Variants in WDFY3 observed in about 807,000 individuals in gnomAD.
The protein encoded by WDFY3 is WD repeat and FYVE domain containing 3.
Under a neutral mutation model 409.6 loss-of-function variants are expected in WDFY3, and 66 were observed. That is an observed-to-expected ratio of 0.16 (90% CI 0.13 to 0.20). The LOEUF (loss-of-function observed/expected upper bound fraction) is 0.20. WDFY3 is among the 10% of genes least tolerant of loss of function. The pLI, the probability that WDFY3 is intolerant of heterozygous loss-of-function variation, is 1.00. For synonymous variants in WDFY3, 1,521 were observed against 1,537.1 expected (o/e 0.99, Z 0.25); for missense variants, 3,031 against 4,298.1 (o/e 0.71, Z 8.24).
rs1410455864 is a variant in WDFY3, at chr4:84,794,596, A to C, written c.3410T>G (p.Val1137Gly). Residue 1137 changes from valine (V) to glycine (G), a missense_variant, in exon 21 of 68, where the codon GTG becomes GGG. Transcript: ENST00000295888. ...TGCTGATAGAACTATTGCAAGGCAC[A>C]CGTAATGTTGCTCAGAAGAATTTGC... ...RRANSSEQHY[V>G]CLAIVLSAKD... The C allele has an allele frequency of 6.2e-7, 1 of 1,614,162 alleles. No homozygotes were observed. The highest frequency in any genetic ancestry group is 2.2e-5 in the East Asian group (1 of 44,866).
chr4:84,671,957 G>A lies in WDFY3; in HGVS notation c.*911C>T, dbSNP rs2148686812. On this transcript the variant is annotated 3_prime_UTR_variant, in exon 68 of 68. Coordinates refer to ENST00000295888, the MANE Select transcript of WDFY3 (RefSeq NM_014991.6). ...AATATATTTCCATTAGTTGAGACAG[G>A]GCTGTTTCCTGCACTACACTGGTCA... is the stretch of plus-strand genomic sequence containing the variant. 1 of 152,264 alleles carries A rather than the reference G, an allele frequency of 6.6e-6. No homozygotes were observed. Among genetic ancestry groups the A allele is most frequent in the East Asian group, 1.9e-4 (1 of 5,178 alleles). The allele number at this position is 152,264 out of a possible 1,614,324, so 9.4% of individuals were successfully genotyped here.
At chr4:84,794,429 G>T in intron 21 of WDFY3, 90 bp downstream of exon 21, 1 of 1,248,590 alleles carries the variant, frequency 8.0e-7, no homozygotes. Flanking sequence ...AAGCTGAAAA[G>T]TTATTATTAG....
At chr4:84,716,849 T>C (rs779493009) in intron 49 of WDFY3, 47 bp downstream of exon 49, 1 of 1,387,926 alleles carries the variant, frequency 7.2e-7, no homozygotes, top group South Asian at 2.0e-5. Context: ...ACAATACATT[T>C]TCAGAATAAA....
intron 3 of WDFY3, among the ~76,000 whole-genome samples, chr4:84,877,126 T>C (rs1762896006): frequency 6.6e-6 from 1 of 152,200 alleles, no homozygotes; most frequent in Admixed American, 6.5e-5. Flanking sequence ...ATTTTAAGGC[T>C]CTTTATTATC....
intron 32 of WDFY3, among the ~76,000 whole-genome samples, chr4:84,760,805 T>C (rs1236889286): frequency 1.4e-5 from 2 of 146,640 alleles, no homozygotes; most frequent in East Asian, 3.9e-4. Flanking sequence ...CTCTATTTCC[T>C]TCAGTTCTGC....
intron 67 of WDFY3, among the ~76,000 whole-genome samples, chr4:84,673,331 T>A (rs1048546841): frequency 6.6e-6 from 1 of 152,162 alleles, no homozygotes; most frequent in Non-Finnish European, 1.5e-5. Flanking sequence ...TCATGGCCTA[T>A]AAGCTTGGGA....
rs539231910 is a variant in WDFY3, at chr4:84,745,068, G to C, written c.5974-1269C>G. Among the ~76,000 whole-genome samples, 3 of 152,150 alleles carry C rather than the reference G, an allele frequency of 2.0e-5. No homozygotes were observed. The East Asian group carries it at 5.8e-4, about 30-fold the overall frequency. ...GAAAATTATCTTATGTTAAAGTGTA[G>C]AGCACAAAGTTAAACTGTAGTCTAC... On this transcript the variant is annotated intron_variant, in intron 36 of 67. Coordinates refer to ENST00000295888, the MANE Select transcript of WDFY3 (RefSeq NM_014991.6).
intron 3 of WDFY3, among the ~76,000 whole-genome samples, chr4:84,870,520 C>G (rs772786867): frequency 6.6e-6 from 1 of 152,094 alleles, no homozygotes; most frequent in Admixed American, 6.5e-5. Context: ...GTTGCAATCA[C>G]ACTAGGTTTT....
Position 84,932,663 on chromosome 4 carries a change from G to A in WDFY3, c.-225-300C>T, listed in dbSNP as rs559197714. Among the ~76,000 whole-genome samples the A allele has an allele frequency of 4.6e-5, 7 of 152,264 alleles. No homozygotes were observed. In the East Asian group the frequency reaches 1.2e-3, roughly 25 times the overall value. Reference sequence around the variant, plus strand: ...ATGACAACACAGCTACTTAGTGTTAGAGCCAGATTCAGAACTCAACCCTTA... The same window carrying A: ...ATGACAACACAGCTACTTAGTGTTAAAGCCAGATTCAGAACTCAACCCTTA... On this transcript the variant is annotated intron_variant, in intron 1 of 67. Transcript: ENST00000295888.
chr4:84,914,475 T>G (rs1768208057), intron 2 of WDFY3, among the ~76,000 whole-genome samples: 1 of 152,064 alleles, frequency 6.6e-6, no homozygotes, highest in African/African-American at 2.4e-5. Context: ...TAGTTACATT[T>G]TGGGAGAGTC....
chr4:84,788,658 A>G (rs1747945410), intron 22 of WDFY3, among the ~76,000 whole-genome samples: 1 of 152,220 alleles, frequency 6.6e-6, no homozygotes, highest in South Asian at 2.1e-4. Context: ...ATATATTCAA[A>G]GATACTGCTG....
At chr4:84,709,221 A>C in intron 52 of WDFY3, 72 bp downstream of exon 52, 1 of 1,467,270 alleles carries the variant, frequency 6.8e-7, no homozygotes, top group Non-Finnish European at 9.3e-7. Context: ...GGATAATTAA[A>C]GTGCTTTTAA....
intron 2 of WDFY3, among the ~76,000 whole-genome samples, chr4:84,903,598 G>A (rs913282461): frequency 6.6e-5 from 10 of 152,090 alleles, no homozygotes; most frequent in Admixed American, 5.9e-4. Flanking sequence ...GGGGTTACAG[G>A]TGTGAGCCAC....
chr4:84,727,547 T>C (rs1001934090), intron 44 of WDFY3, among the ~76,000 whole-genome samples: 1 of 152,152 alleles, frequency 6.6e-6, no homozygotes, highest in African/African-American at 2.4e-5. Flanking sequence ...TTAAAAGAAT[T>C]AGGTAATGGC....
chr4:84,672,719 T>A lies in WDFY3; in HGVS notation c.*149A>T. On this transcript the variant is annotated 3_prime_UTR_variant, in exon 68 of 68. Coordinates refer to ENST00000295888, the MANE Select transcript of WDFY3 (RefSeq NM_014991.6). ...CCATTCCTGTACTCTACACCCGTTT[T>A]ATTCAATGATCCCTTTGAATTTTAA... 8.7e-7 allele frequency: 1 copy of A among 1,153,976 alleles called. No individual in the cohort carries two copies. The highest frequency in any genetic ancestry group is 1.2e-6 in the Non-Finnish European group (1 of 819,364). 71.5% of individuals were successfully genotyped at this position (1,153,976 alleles called of 1,614,324 possible). A position where few individuals can be genotyped will look rare whatever the true frequency, so the allele number is the denominator to read the frequency against.
chr4:84,688,664 C>T (rs1334496892), intron 61 of WDFY3, among the ~76,000 whole-genome samples: 1 of 152,070 alleles, frequency 6.6e-6, no homozygotes, highest in Admixed American at 6.6e-5. Flanking sequence ...TTCTTTTATG[C>T]CACAAACTCC....
rs756329327 is a variant in WDFY3, at chr4:84,682,379, T to G, written c.9818A>C (p.Gln3273Pro). The G allele has an allele frequency of 6.2e-7, 1 of 1,613,264 alleles. No homozygotes were observed. Among genetic ancestry groups the G allele is most frequent in the Admixed American group, 1.7e-5 (1 of 59,932 alleles). Residue 3273 changes from glutamine to proline, a missense_variant, in exon 64 of 68, where the codon CAA becomes CCA. By Grantham distance (76) the Gln-to-Pro change is moderately conservative. Transcript: ENST00000295888. Reference sequence around the variant, plus strand: ...TTTTAGAAAGTATTAAATACCTATTTGTGCTTCTGGACAGTCTTCCTGCAT... The same window carrying G: ...TTTTAGAAAGTATTAAATACCTATTGGTGCTTCTGGACAGTCTTCCTGCAT... The part of the protein sequence containing the change: ...LEMQEDCPEA[Q>P]IGQEAQDEDS...
At chr4:84,746,684 T>G (rs1739506040) in intron 36 of WDFY3, among the ~76,000 whole-genome samples, 1 of 152,096 alleles carries the variant, frequency 6.6e-6, no homozygotes. Flanking sequence ...ACTTAACATT[T>G]TATGAAAGCA....
intron 3 of WDFY3, among the ~76,000 whole-genome samples, chr4:84,895,305 A>G (rs1295199567): frequency 6.6e-6 from 1 of 152,238 alleles, no homozygotes; most frequent in Non-Finnish European, 1.5e-5. Flanking sequence ...ATTATAATGA[A>G]TAATAAAAAA....
Sources: gnomAD v4.1 joint callset for allele counts (sites outside exome capture counted in the v4.1 genomes callset) on GRCh38, gnomAD v4.1.1 for gene constraint, MANE v1.5 for transcripts, NCBI Gene and HGNC (gene_info 2026-07-23, HGNC 2026-07-21) for gene names.